Variants in SPPL2B observed in about 807,000 individuals in gnomAD.
SPPL2B encodes the protein signal peptide peptidase-like 2B.
A neutral mutation model predicts 59.7 loss-of-function variants in SPPL2B; 39 were observed. The observed-to-expected ratio is 0.65, with a 90% CI of 0.51 to 0.85. The LOEUF is 0.85. Ranked by LOEUF, SPPL2B falls within the 40% of genes least tolerant of loss-of-function variation. SPPL2B has a pLI of 0.00. For synonymous variants in SPPL2B, 419 were observed against 370.8 expected (o/e 1.13, Z -1.49); for missense variants, 865 against 849.0 (o/e 1.02, Z -0.23).
At chr19:2,343,054 A>G in intron 8 of SPPL2B, 157 bp from the exon 9 acceptor site, 1 of 636,338 alleles carries the variant, frequency 1.6e-6, no homozygotes, top group East Asian at 2.8e-5. Flanking sequence ...GGGTCCTCCC[A>G]CAGGTCTGGG....
At chr19:2,338,712 C>T (rs1468708578) in intron 3 of SPPL2B, 40 bp from the exon 4 acceptor site, 1 of 1,448,552 alleles carries the variant, frequency 6.9e-7, no homozygotes, top group Admixed American at 1.7e-5. Context: ...CCACCCACTG[C>T]TGCGGGTGAT....
intron 12 of SPPL2B, among the ~76,000 whole-genome samples, chr19:2,344,943 A>G (rs957663862): frequency 1.3e-5 from 2 of 152,032 alleles, no homozygotes; most frequent in Non-Finnish European, 2.9e-5. Context: ...TGGGGCCTGG[A>G]TCCCGGGTCC....
In SPPL2B at chr19:2,352,973, C is replaced by T; in HGVS notation, c.1543C>T (p.Pro515Ser). 6.2e-7 allele frequency: 1 copy of T among 1,612,238 alleles called. No individual in the cohort carries two copies. The highest frequency in any genetic ancestry group is 8.5e-7 in the Non-Finnish European group (1 of 1,179,722). ...AKVLPPSPWA[P>S]APADGPQPPK... ...AGTCCTACCTCCATCTCCGTGGGCC[C>T]CAGCACCAGCCGACGGCCCGCAGCC... is the stretch of plus-strand genomic sequence containing the variant. The change falls in exon 15 of 15, where the codon CCA becomes TCA. Residue 515 changes from proline (P) to serine (S), a missense_variant. Pro to Ser is a moderately conservative substitution (Grantham distance 74, BLOSUM62 -1). Transcript: ENST00000613503.
At chr19:2,350,994 T>G (rs1490121245) in intron 13 of SPPL2B, among the ~76,000 whole-genome samples, 1 of 152,234 alleles carries the variant, frequency 6.6e-6, no homozygotes, top group Non-Finnish European at 1.5e-5. Flanking sequence ...CCTGAGAACA[T>G]AGTTTATATG....
intron 13 of SPPL2B, among the ~76,000 whole-genome samples, chr19:2,350,947 C>T (rs1316641724): frequency 2.0e-5 from 3 of 152,220 alleles, no homozygotes; most frequent in Admixed American, 6.5e-5. Flanking sequence ...TGGGTGGACA[C>T]CGTGCCCTTT....
intron 1 of SPPL2B, among the ~76,000 whole-genome samples, chr19:2,331,284 T>C (rs1321877029): frequency 4.6e-5 from 7 of 152,232 alleles, no homozygotes; most frequent in Admixed American, 4.6e-4. Context: ...CACAGTCACT[T>C]GGAAGCGGGG....
rs1968345188 is a variant in SPPL2B at position 2,332,663 on chromosome 19, G to A, written c.67-1939G>A. 6.6e-6 allele frequency among the ~76,000 whole-genome samples: 1 copy of A among 152,174 alleles called. No individual in the cohort carries two copies. Among genetic ancestry groups the A allele is most frequent in the Admixed American group, 6.5e-5 (1 of 15,280 alleles). On this transcript the variant is annotated intron_variant, in intron 1 of 14. Coordinates refer to ENST00000613503, the MANE Select transcript of SPPL2B (RefSeq NM_152988.3). This position sits in a 1 kb window ranked among gnomAD's most constrained non-coding sequence, Gnocchi z 4.6. ...GCAGCCCCAGAAGGCTGAGGGCTGGGTGCTCCTGAGAACGGGCAGGCCTAG... is the reference window on the plus strand; with the variant it reads ...GCAGCCCCAGAAGGCTGAGGGCTGGATGCTCCTGAGAACGGGCAGGCCTAG...
Position 2,337,546 on chromosome 19 carries a change from A to T in SPPL2B, c.290A>T (p.Asn97Ile), listed in dbSNP as rs767674879. Residue 97 changes from asparagine to isoleucine, a missense_variant, in exon 3 of 15, where the codon AAC becomes ATC. Transcript: ENST00000613503. Reference sequence around the variant, plus strand: ...CAGATCCCGCTGGTGGCGCGGGGGAACTGCACCTTCTATGAGAAAGTGAGG... The same window carrying T: ...CAGATCCCGCTGGTGGCGCGGGGGATCTGCACCTTCTATGAGAAAGTGAGG... ...SNQIPLVARG[N>I]CTFYEKVRLA... 1 of 1,612,606 alleles carries T rather than the reference A, an allele frequency of 6.2e-7. No individual in the cohort carries two copies. The highest frequency in any genetic ancestry group is 8.5e-7 in the Non-Finnish European group (1 of 1,179,592).
intron 14 of SPPL2B, 124 bp from the exon 15 acceptor site, chr19:2,352,822 C>T: frequency 9.1e-7 from 1 of 1,095,632 alleles, no homozygotes; most frequent in Admixed American, 2.5e-5. Context: ...TCCAGAGCCC[C>T]TGGGGATGGC....
chr19:2,340,783 A>G, intron 7 of SPPL2B, 115 bp from the exon 8 acceptor site: 1 of 629,682 alleles, frequency 1.6e-6, no homozygotes, highest in Non-Finnish European at 2.8e-6. Flanking sequence ...AATGAGGACA[A>G]CAGAGTGGGG....
rs150992759 is a variant in SPPL2B, at chr19:2,337,488, G to A, written c.232G>A (p.Ala78Thr). ...RNWTASLLCSAADLPARGFSN... is the reference protein window; with the variant it reads ...RNWTASLLCSTADLPARGFSN... Reference sequence around the variant, plus strand: ...CTGGACGGCCTCCCTGCTCTGCTCCGCAGCCGACCTCCCCGCCCGTGGCTT... The same window carrying A: ...CTGGACGGCCTCCCTGCTCTGCTCCACAGCCGACCTCCCCGCCCGTGGCTT... The change falls in exon 3 of 15, where the codon GCA (alanine) becomes ACA (threonine). Residue 78 changes from alanine to threonine, a missense_variant. By Grantham distance (58) the Ala-to-Thr change is moderately conservative. Coordinates refer to ENST00000613503, the MANE Select transcript of SPPL2B (RefSeq NM_152988.3). 612 of 1,612,904 alleles carry A rather than the reference G, an allele frequency of 3.8e-4. 6 individuals are homozygous for A. In the East Asian group the frequency reaches 0.013, roughly 35 times the overall value.
chr19:2,341,306 A>G, intron 8 of SPPL2B: 1 of 599,182 alleles, frequency 1.7e-6, no homozygotes, highest in Admixed American at 2.1e-5. Context: ...TTTGTGGGGC[A>G]TCGCTGCCCA....
At chr19:2,345,032 C>T (rs986726939) in intron 12 of SPPL2B, among the ~76,000 whole-genome samples, 7 of 152,250 alleles carry the variant, frequency 4.6e-5, no homozygotes, top group Middle Eastern at 3.4e-3. Context: ...CCAGGTGTGT[C>T]TGCCTGGACT....
At chr19:2,351,873 C>T (rs889646615) in intron 14 of SPPL2B, among the ~76,000 whole-genome samples, 19 of 149,986 alleles carry the variant, frequency 1.3e-4, no homozygotes, top group African/African-American at 4.2e-4. Flanking sequence ...CCGGGTGGGA[C>T]GCGGGGGTGC....
chr19:2,354,048 G>A lies in SPPL2B; in HGVS notation c.*839G>A, dbSNP rs967049528. Reference sequence around the variant, plus strand: ...CTCAGGGGTCCCTGGAGCCCTGGGAGGGAGGGACTGGGTCGTGGGAGGTCC... The same window carrying A: ...CTCAGGGGTCCCTGGAGCCCTGGGAAGGAGGGACTGGGTCGTGGGAGGTCC... On this transcript the variant is annotated 3_prime_UTR_variant, in exon 15 of 15. Coordinates refer to ENST00000613503, the MANE Select transcript of SPPL2B (RefSeq NM_152988.3). 6.6e-6 allele frequency: 1 copy of A among 152,264 alleles called. No individual in the cohort carries two copies. The highest frequency in any genetic ancestry group is 2.4e-5 in the African/African-American group (1 of 41,458). 9.4% of individuals were successfully genotyped at this position (152,264 alleles called of 1,614,324 possible).
chr19:2,352,852 C>T, intron 14 of SPPL2B, 94 bp from the exon 15 acceptor site: 4 of 1,405,756 alleles, frequency 2.8e-6, no homozygotes, highest in Non-Finnish European at 3.9e-6. Flanking sequence ...TGACCCTGCC[C>T]CCGTGGCCTG....
At chr19:2,338,934 G>T (rs1968828466) in intron 4 of SPPL2B, 93 bp downstream of exon 4, 4 of 1,496,212 alleles carry the variant, frequency 2.7e-6, no homozygotes, top group Non-Finnish European at 3.6e-6. Flanking sequence ...TCAGTTGGTG[G>T]GATCAGGGTG....
At chr19:2,348,603 G>C (rs1969646771) in intron 13 of SPPL2B, among the ~76,000 whole-genome samples, 1 of 144,904 alleles carries the variant, frequency 6.9e-6, no homozygotes, top group Admixed American at 7.1e-5. Flanking sequence ...TCATTCGCCT[G>C]ATTCCATTCT....
intron 13 of SPPL2B, among the ~76,000 whole-genome samples, chr19:2,347,570 T>TCC (rs1340964299): frequency 6.2e-4 from 3 of 4,830 alleles, no homozygotes; most frequent in Non-Finnish European, 5.5e-4. Flanking sequence ...TGCCGTTCTC[T>TCC]CTCCACACAC....
Sources: allele counts gnomAD v4.1 joint callset (sites outside exome capture counted in the v4.1 genomes callset), GRCh38; gene constraint gnomAD v4.1.1; non-coding constraint Gnocchi (gnomAD v3.1); transcripts MANE v1.5; gene names NCBI Gene and HGNC (gene_info 2026-07-23, HGNC 2026-07-21).